The following UFL1 variants were observed in gnomAD, a reference collection of about 807,000 sequenced individuals.
UFL1 encodes the protein UFM1 specific ligase 1, also known as E3 UFM1-protein ligase 1.
A neutral mutation model predicts 99.3 loss-of-function variants in UFL1; 78 were observed. The observed-to-expected ratio is 0.79, with a 90% CI of 0.65 to 0.95. The LOEUF is 0.95. Among genes scored for constraint, UFL1 ranks in the 40% least tolerant of loss-of-function variants. The pLI, the probability that UFL1 is intolerant of heterozygous loss-of-function variation, is 0.00. For synonymous variants in UFL1, 335 were observed against 322.2 expected (o/e 1.04, Z -0.42); for missense variants, 936 against 937.0 (o/e 1.00, Z 0.01).
At position 96,525,679 on chromosome 6, in the gene UFL1, T is replaced by TAAAA. The variant is rs199586317; in HGVS notation, c.350+301_350+304dup. On this transcript the variant is annotated intron_variant, in intron 4 of 18. Transcript: ENST00000369278. ...ACATAGCAAAGATCCTGTCTCAAAT[T>TAAAA]AAAAAAAAAAAAAAAAAAATTCAGT... Among the ~76,000 whole-genome samples, 496 of 110,898 alleles carry TAAAA rather than the reference T, an allele frequency of 4.5e-3. 2 individuals carry two copies. The highest frequency in any genetic ancestry group is 0.016 in the African/African-American group (479 of 29,706). 72.8% of individuals were successfully genotyped at this position (110,898 alleles called of 152,430 possible). A position where few individuals can be genotyped will look rare whatever the true frequency, so the allele number is the denominator to read the frequency against.
intron 3 of UFL1, 117 bp downstream of exon 3, chr6:96,524,527 AG>A: frequency 1.4e-6 from 1 of 696,684 alleles, no homozygotes; most frequent in Non-Finnish European, 2.2e-6. Flanking sequence ...ATAAAGAAAT[AG>A]TTATATAAGC....
intron 1 of UFL1, 116 bp downstream of exon 1, chr6:96,522,066 C>A (rs1769620707): frequency 4.3e-6 from 5 of 1,157,704 alleles, no homozygotes; most frequent in Non-Finnish European, 6.1e-6. Flanking sequence ...TGCTTGTCAC[C>A]ATTCTCTCCT....
At chr6:96,549,836 C>A in intron 15 of UFL1, 37 bp downstream of exon 15, 1 of 1,601,520 alleles carries the variant, frequency 6.2e-7, no homozygotes, top group South Asian at 1.1e-5. Context: ...TTGATGTGTT[C>A]TGTTTTGCAT....
intron 15 of UFL1, among the ~76,000 whole-genome samples, chr6:96,550,311 CTCTT>C (rs1770060071): frequency 6.6e-6 from 1 of 151,888 alleles, no homozygotes; most frequent in African/African-American, 2.4e-5. Flanking sequence ...CCTTCTCCTT[CTCTT>C]TCTTCTCTGT....
At position 96,522,156 on chromosome 6, in the gene UFL1, G is replaced by GC. The variant is rs995644928; in HGVS notation, c.77+212dup. Reference sequence around the variant, plus strand: ...AGTCCTCAGCCTAGGACGCCCTGGAGCCCCCCAGCCCAGCTGCAGCGAAAT... The same window carrying GC: ...AGTCCTCAGCCTAGGACGCCCTGGAGCCCCCCCAGCCCAGCTGCAGCGAAAT... On this transcript the variant is annotated intron_variant, in intron 1 of 18. Transcript: ENST00000369278. Among the ~76,000 whole-genome samples the GC allele has an allele frequency of 5.8e-4, 88 of 152,220 alleles. 1 individual carries two copies. The highest frequency in any genetic ancestry group is 3.4e-3 in the Middle Eastern group (1 of 294).
intron 6 of UFL1, among the ~76,000 whole-genome samples, chr6:96,530,482 G>A (rs918693689): frequency 2.6e-5 from 4 of 152,078 alleles, no homozygotes; most frequent in African/African-American, 7.2e-5. Flanking sequence ...AGTATTTGTC[G>A]GGAGGGCAAT....
At chr6:96,525,106 T>A (rs1769680150) in intron 3 of UFL1, among the ~76,000 whole-genome samples, 191 bp from the exon 4 acceptor site, 1 of 151,872 alleles carries the variant, frequency 6.6e-6, no homozygotes, top group Non-Finnish European at 1.5e-5. Flanking sequence ...TCTCCCTATG[T>A]TGCCCAGGCT....
In UFL1 at chr6:96,549,495, G is replaced by A. The variant is rs532074525; in HGVS notation, c.1604G>A (p.Arg535His). 2.8e-5 allele frequency: 45 copies of A among 1,590,914 alleles called. No individual in the cohort carries two copies. In the East Asian group the frequency reaches 4.2e-4, roughly 15 times the overall value. ...TTSASGTGRK[R>H]TIKDLQEEVS... ...TCTGCTTCTGGGACGGGCAGAAAAC[G>A]CACAATCAAGGACTTGCAAGAAGAA... The change falls in exon 14 of 19, where the codon CGC (arginine) becomes CAC (histidine). Residue 535 changes from arginine to histidine, a missense_variant. Arg to His is a conservative substitution (Grantham distance 29). Transcript: ENST00000369278.
In UFL1 at chr6:96,523,264, A is replaced by G. The variant is rs1339865993; in HGVS notation, c.196A>G (p.Met66Val). ...TACTCCAGCCCAAATTAGTAAAGAA[A>G]TGAGAGATGAGCTACATGTCCGAGG... Reference protein sequence around the residue: ...YITPAQISKEMRDELHVRGGR... With the variant: ...YITPAQISKEVRDELHVRGGR... Residue 66 changes from methionine (M) to valine (V), a missense_variant, in exon 2 of 19, where the codon ATG (methionine) becomes GTG (valine). Physicochemically the swap from Met to Val is conservative, Grantham distance 21 (BLOSUM62 1). Coordinates refer to ENST00000369278, the MANE Select transcript of UFL1 (RefSeq NM_015323.5). 1 of 1,610,444 alleles carries G rather than the reference A, an allele frequency of 6.2e-7. No individual in the cohort carries two copies. Among genetic ancestry groups the G allele is most frequent in the Non-Finnish European group, 8.5e-7 (1 of 1,178,444 alleles).
intron 11 of UFL1, among the ~76,000 whole-genome samples, chr6:96,542,478 TGAA>T (rs952052540): frequency 1.2e-4 from 18 of 151,434 alleles, no homozygotes; most frequent in African/African-American, 4.3e-4. Context: ...ATTAAATTTG[TGAA>T]GTCTTATAAT....
intron 5 of UFL1, among the ~76,000 whole-genome samples, chr6:96,526,718 A>G (rs991370706): frequency 1.1e-4 from 16 of 152,352 alleles, no homozygotes; most frequent in Admixed American, 8.5e-4. Context: ...GCAATTAGCA[A>G]ATGTACAATA....
rs545948865 is a variant in UFL1 at position 96,545,961 on chromosome 6, G to A, written c.1403-2203G>A. 2.6e-5 allele frequency among the ~76,000 whole-genome samples: 4 copies of A among 151,270 alleles called. No individual in the cohort carries two copies. In the South Asian group the frequency reaches 8.3e-4, roughly 31 times the overall value. On this transcript the variant is annotated intron_variant, in intron 12 of 18. Coordinates refer to ENST00000369278, the MANE Select transcript of UFL1 (RefSeq NM_015323.5). ...ATAGAGCCATTAAGAACTGGAACAAGGCAAAGGATGTCTACTCTCACCACT... is the reference window on the plus strand; with the variant it reads ...ATAGAGCCATTAAGAACTGGAACAAAGCAAAGGATGTCTACTCTCACCACT...
At position 96,528,615 on chromosome 6, in the gene UFL1, ATTCAGTGCTATTACCCGGTAAGTATATT is replaced by A. The variant is rs1344657099; in HGVS notation, c.582_596+13del. On this transcript the variant is annotated splice_donor_variant and splice_donor_5th_base_variant and coding_sequence_variant and intron_variant, in exon 6 of 19. Transcript: ENST00000369278. LOFTEE classifies it high-confidence loss of function. ...GACATAAAGCACGTATCCGTGGACT[ATTCAGTGCTATTACCCGGTAAGTATATT>A]TTAAAGTATATATATTTGCACATTT... The A allele has an allele frequency of 1.9e-6, 3 of 1,613,218 alleles. No homozygotes were observed. Among genetic ancestry groups the A allele is most frequent in the Non-Finnish European group, 2.5e-6 (3 of 1,179,586 alleles).
chr6:96,534,273 G>T lies in UFL1; in HGVS notation c.607G>T (p.Val203Leu). The T allele has an allele frequency of 1.3e-6, 2 of 1,571,474 alleles. No individual in the cohort carries two copies. Among genetic ancestry groups the T allele is most frequent in the Non-Finnish European group, 8.6e-7 (1 of 1,162,800 alleles). ...LFSAITRPTA[V>L]NSLISKYGFQ... ...TAACTTTCCATAAAGGCCTACAGCT[G>T]TGAATTCTTTGATTTCAAAATATGG... Residue 203 changes from valine (V) to leucine (L), a missense_variant, in exon 7 of 19, where the codon GTG (valine) becomes TTG (leucine). Val to Leu is a conservative substitution (Grantham distance 32). Coordinates refer to ENST00000369278, the MANE Select transcript of UFL1 (RefSeq NM_015323.5).
chr6:96,539,777 A>G (rs1014585469), intron 10 of UFL1, among the ~76,000 whole-genome samples: 2 of 151,584 alleles, frequency 1.3e-5, no homozygotes, highest in African/African-American at 4.8e-5. Flanking sequence ...CTCAAGTAAA[A>G]ATTTAACATG....
intron 6 of UFL1, among the ~76,000 whole-genome samples, chr6:96,532,338 T>C (rs547495513): frequency 2.0e-5 from 3 of 152,334 alleles, no homozygotes; most frequent in Non-Finnish European, 2.9e-5. Flanking sequence ...GTAACAATTA[T>C]AAGGTAAACA....
chr6:96,549,689 A>C lies in UFL1; in HGVS notation c.1708A>C (p.Thr570Pro). The change falls in exon 15 of 19, where the codon ACC becomes CCC. Residue 570 changes from threonine (T) to proline (P), a missense_variant. Transcript: ENST00000369278. The part of the protein sequence containing the change: ...FFADDTQAAL[T>P]KHLLKSVCTD... ...TCCAGATGACACACAGGCTGCTCTT[A>C]CCAAACACTTGCTGAAGTCAGTGTG... 1.9e-6 allele frequency: 3 copies of C among 1,611,774 alleles called. No homozygotes were observed. Among genetic ancestry groups the C allele is most frequent in the Non-Finnish European group, 2.5e-6 (3 of 1,178,736 alleles).
At chr6:96,542,767 T>C (rs1769948719) in intron 11 of UFL1, 127 bp from the exon 12 acceptor site, 1 of 898,188 alleles carries the variant, frequency 1.1e-6, no homozygotes, top group Non-Finnish European at 1.5e-6. Context: ...TTAAAAAGAG[T>C]CTAAAAGTTT....
Position 96,521,820 on chromosome 6 carries a change from C to T in UFL1, c.-54C>T, listed in dbSNP as rs1262103649. 3.2e-6 allele frequency: 5 copies of T among 1,566,198 alleles called. No homozygotes were observed. In the East Asian group the frequency reaches 7.1e-5, roughly 22 times the overall value. ...CCGTTCCGCCTCTCTTCTCCCACCG[C>T]CTGTCGGCTGACGTGTCTGCAGTTC... On this transcript the variant is annotated 5_prime_UTR_variant, in exon 1 of 19. Coordinates refer to ENST00000369278, the MANE Select transcript of UFL1 (RefSeq NM_015323.5).
Sources: allele counts gnomAD v4.1 joint callset (sites outside exome capture counted in the v4.1 genomes callset), GRCh38; gene constraint gnomAD v4.1.1; transcripts MANE v1.5; gene names NCBI Gene and HGNC (gene_info 2026-07-23, HGNC 2026-07-21).